The following SORCS1 variants were observed in gnomAD, a reference collection of about 807,000 sequenced individuals.
SORCS1 encodes sortilin related VPS10 domain containing receptor 1.
In SORCS1, 60 loss-of-function variants were observed where a neutral mutation model predicts 146.1. The ratio of observed to expected loss-of-function variants is 0.41; its 90% CI spans 0.33 to 0.51. The LOEUF (loss-of-function observed/expected upper bound fraction) is 0.51, where lower values mean the gene tolerates loss of function less well. SORCS1 is among the 20% of genes least tolerant of loss of function. The probability of loss-of-function intolerance (pLI) is 0.21; values close to 1 mark genes in which losing one functional copy is unlikely to be tolerated. For missense variants in SORCS1, 1,352 were observed against 1,487.6 expected (o/e 0.91, Z 1.50); for synonymous variants, 637 against 584.0 (o/e 1.09, Z -1.31).
chr10:107,157,342 A>T lies in SORCS1; in HGVS notation c.558+6627T>A, dbSNP rs184029775. Among the ~76,000 whole-genome samples the T allele has an allele frequency of 2.5e-3, 383 of 152,340 alleles. 1 individual carries two copies. Among genetic ancestry groups the T allele is most frequent in the African/African-American group, 8.9e-3 (369 of 41,586 alleles). On this transcript the variant is annotated intron_variant, in intron 1 of 25. Transcript: ENST00000263054. ...GTGGGTCAAACCAAGAATCACTCCT[A>T]CAGTGTGACCAAATGTTATTTGACC...
intron 24 of SORCS1, among the ~76,000 whole-genome samples, chr10:106,589,393 A>G (rs1845457656): frequency 6.6e-6 from 1 of 152,134 alleles, no homozygotes; most frequent in Admixed American, 6.6e-5. Context: ...CCCACCAAAT[A>G]TAAGGACTAA....
At chr10:106,578,543 A>G (rs887686577) in intron 25 of SORCS1, 5 of 481,336 alleles carry the variant, frequency 1.0e-5, no homozygotes, top group South Asian at 8.7e-5. Context: ...CTCCTGAGGG[A>G]AAGTTCCTAG....
intron 18 of SORCS1, among the ~76,000 whole-genome samples, chr10:106,643,961 CA>C (rs2133697397): frequency 6.6e-6 from 1 of 152,286 alleles, no homozygotes; most frequent in Non-Finnish European, 1.5e-5. Flanking sequence ...TCTGCTGCTT[CA>C]AAAGATGACA....
At chr10:106,906,721 A>G (rs1440048246) in intron 2 of SORCS1, among the ~76,000 whole-genome samples, 1 of 152,192 alleles carries the variant, frequency 6.6e-6, no homozygotes, top group Non-Finnish European at 1.5e-5. Flanking sequence ...AAACCATATC[A>G]TGACTATAAC....
chr10:106,716,789 G>A (rs1369576773), intron 6 of SORCS1, among the ~76,000 whole-genome samples: 2 of 152,122 alleles, frequency 1.3e-5, no homozygotes, highest in Admixed American at 6.5e-5. Flanking sequence ...ACCTTTCCTC[G>A]GGGTCAGGAA....
At chr10:106,600,329 A>G in intron 23 of SORCS1, 1 of 968,956 alleles carries the variant, frequency 1.0e-6, no homozygotes, top group Non-Finnish European at 1.2e-6. Context: ...ATTATCTGGT[A>G]ACAGAAAGTA....
At chr10:106,726,212 T>G (rs1436375762) in intron 6 of SORCS1, among the ~76,000 whole-genome samples, 17 of 144,144 alleles carry the variant, frequency 1.2e-4, no homozygotes, top group African/African-American at 4.4e-4. Context: ...TTTTTTACAC[T>G]GTGACAGGTC....
chr10:106,820,264 T>C (rs1947951630), intron 3 of SORCS1, among the ~76,000 whole-genome samples: 1 of 152,190 alleles, frequency 6.6e-6, no homozygotes, highest in South Asian at 2.1e-4. Context: ...TGTTATATTG[T>C]ATATATCCCA....
intron 18 of SORCS1, among the ~76,000 whole-genome samples, chr10:106,629,971 G>A (rs1316248259): frequency 6.6e-6 from 1 of 152,202 alleles, no homozygotes; most frequent in Non-Finnish European, 1.5e-5. Flanking sequence ...CTTGAATCTG[G>A]CAGGCAGAGG....
intron 22 of SORCS1, among the ~76,000 whole-genome samples, chr10:106,611,389 C>A (rs970238236): frequency 1.3e-5 from 2 of 152,034 alleles, no homozygotes; most frequent in African/African-American, 4.8e-5. Context: ...TGTTACAGTA[C>A]AGAAATTTCT....
intron 2 of SORCS1, among the ~76,000 whole-genome samples, chr10:106,914,662 T>C (rs7069268): frequency 0.046 from 7,047 of 152,256 alleles, 518 homozygotes; most frequent in African/African-American, 0.15. Flanking sequence ...TAGATAACTT[T>C]TTAAGTCCTA....
At chr10:106,947,557 C>T (rs1239640097) in intron 2 of SORCS1, among the ~76,000 whole-genome samples, 4 of 152,100 alleles carry the variant, frequency 2.6e-5, no homozygotes. Flanking sequence ...GAAACTGGAG[C>T]TACAGGCTGG....
chr10:106,923,170 T>G (rs879529742), intron 2 of SORCS1, among the ~76,000 whole-genome samples: 2 of 152,234 alleles, frequency 1.3e-5, no homozygotes, highest in Non-Finnish European at 2.9e-5. Context: ...ATTACAGGCG[T>G]GAGCCACCAG....
At chr10:107,048,817 G>A (rs1287750631) in intron 1 of SORCS1, among the ~76,000 whole-genome samples, 1 of 152,182 alleles carries the variant, frequency 6.6e-6, no homozygotes, top group Non-Finnish European at 1.5e-5. Context: ...TGGCTTTTAT[G>A]AAGGAGCTAT....
intron 22 of SORCS1, among the ~76,000 whole-genome samples, chr10:106,611,449 C>T (rs1846980223): frequency 6.6e-6 from 1 of 152,194 alleles, no homozygotes; most frequent in African/African-American, 2.4e-5. Flanking sequence ...ATACTGAATG[C>T]TCACTGCACT....
chr10:106,867,120 A>C (rs907063729), intron 2 of SORCS1, among the ~76,000 whole-genome samples: 1 of 152,172 alleles, frequency 6.6e-6, no homozygotes, highest in Non-Finnish European at 1.5e-5. Context: ...AAGGTCATCC[A>C]CAAAACACAT....
intron 1 of SORCS1, among the ~76,000 whole-genome samples, chr10:106,975,114 G>A (rs1343097548): frequency 2.6e-5 from 4 of 152,108 alleles, no homozygotes; most frequent in Non-Finnish European, 5.9e-5. Flanking sequence ...AACTACTTCA[G>A]GGAGTTTCTC....
At chr10:106,978,267 C>T (rs1956116341) in intron 1 of SORCS1, among the ~76,000 whole-genome samples, 1 of 151,980 alleles carries the variant, frequency 6.6e-6, no homozygotes, top group South Asian at 2.1e-4. Flanking sequence ...TTTTAACCAG[C>T]CTGGTGGGAG....
At chr10:107,168,950 G>A (rs991165797), upstream of SORCS1, among the ~76,000 whole-genome samples, 7 of 152,052 alleles carry the variant, frequency 4.6e-5, no homozygotes, top group East Asian at 1.9e-4. Flanking sequence ...GCAATTTTGG[G>A]AACAAGTGTG....
Sources: allele counts gnomAD v4.1 joint callset (sites outside exome capture counted in the v4.1 genomes callset), GRCh38; gene constraint gnomAD v4.1.1; transcripts MANE v1.5; gene names NCBI Gene and HGNC (gene_info 2026-07-23, HGNC 2026-07-21).